The following ZBTB8OS variants were observed in gnomAD, a reference collection of about 807,000 sequenced individuals.
The protein encoded by ZBTB8OS is tRNA-splicing ligase-activating factor archease.
A neutral mutation model predicts 29.3 loss-of-function variants in ZBTB8OS; 16 were observed. The observed-to-expected ratio is 0.55, with a 90% CI of 0.37 to 0.83. ZBTB8OS has a LOEUF of 0.83. Among genes scored for constraint, ZBTB8OS ranks in the 40% least tolerant of loss-of-function variants. The pLI, the probability that ZBTB8OS is intolerant of heterozygous loss-of-function variation, is 0.00. For synonymous variants in ZBTB8OS, 70 were observed against 64.6 expected, an observed-to-expected ratio of 1.08 and a Z score of -0.40; for missense variants, 160 against 196.9, an observed-to-expected ratio of 0.81 and a Z score of 1.12.
chr1:32,632,985 A>G (rs1194960883), intron 4 of ZBTB8OS, among the ~76,000 whole-genome samples: 1 of 152,210 alleles, frequency 6.6e-6, no homozygotes, highest in African/African-American at 2.4e-5. Context: ...AAAGCAGAGA[A>G]TGGAGGAATT....
intron 5 of ZBTB8OS, among the ~76,000 whole-genome samples, chr1:32,628,764 C>T (rs1002074394): frequency 1.3e-5 from 2 of 151,744 alleles, no homozygotes; most frequent in African/African-American, 4.8e-5. Context: ...GGTGAGAACT[C>T]GTCTCTACTA....
At position 32,625,892 on chromosome 1, in the gene ZBTB8OS, T is replaced by C. The variant is rs562036299; in HGVS notation, c.417+1616A>G. Reference sequence around the variant, plus strand: ...GCTGTTTCTTTTTTTTTTTTTTAGATGGAGTTTTGCTCTTGTCGCCCAGGC... The same window carrying C: ...GCTGTTTCTTTTTTTTTTTTTTAGACGGAGTTTTGCTCTTGTCGCCCAGGC... On this transcript the variant is annotated intron_variant, in intron 6 of 6. Coordinates refer to ENST00000468695, the MANE Select transcript of ZBTB8OS (RefSeq NM_178547.5). Among the ~76,000 whole-genome samples, 168 of 151,606 alleles carry C rather than the reference T, an allele frequency of 1.1e-3. 1 individual carries two copies. Among genetic ancestry groups the C allele is most frequent in the African/African-American group, 3.9e-3 (161 of 41,358 alleles).
intron 1 of ZBTB8OS, among the ~76,000 whole-genome samples, chr1:32,636,790 A>G (rs1646002509): frequency 6.6e-6 from 1 of 151,876 alleles, no homozygotes; most frequent in South Asian, 2.1e-4. Flanking sequence ...GAGAAAGAGC[A>G]TCATGGCCAG....
chr1:32,629,793 G>T (rs994209006), intron 5 of ZBTB8OS, among the ~76,000 whole-genome samples: 4 of 125,200 alleles, frequency 3.2e-5, no homozygotes, highest in Admixed American at 1.0e-4. Flanking sequence ...TCGCGCTGTT[G>T]CCAGGCTGGA....
At chr1:32,642,849 A>C (rs536609880) in intron 1 of ZBTB8OS, among the ~76,000 whole-genome samples, 41 of 83,240 alleles carry the variant, frequency 4.9e-4, no homozygotes, top group African/African-American at 1.6e-3. Context: ...AGCTCACTGC[A>C]ACCTCCGCCT....
intron 1 of ZBTB8OS, among the ~76,000 whole-genome samples, chr1:32,646,199 A>G (rs1192141057): frequency 6.6e-6 from 1 of 151,936 alleles, no homozygotes; most frequent in Non-Finnish European, 1.5e-5. Flanking sequence ...CACGCCTGTA[A>G]TCCCAGCTAC....
chr1:32,634,701 C>T (rs1645820566), intron 2 of ZBTB8OS, 67 bp downstream of exon 2: 4 of 1,604,438 alleles, frequency 2.5e-6, no homozygotes, highest in Admixed American at 3.4e-5. Context: ...GATAGGGATA[C>T]CAAGATTGAA....
intron 4 of ZBTB8OS, chr1:32,632,225 T>A (rs978952083): frequency 7.6e-5 from 12 of 157,088 alleles, no homozygotes; most frequent in African/African-American, 2.2e-4. Context: ...GTCAGACTGG[T>A]CTCGAACTCC....
rs556977233 is a variant in ZBTB8OS at position 32,633,906 on chromosome 1, T to C, written c.244+45A>G. ...TTATGTAGAATACTGCACAATTCTATACAGTACTGTATAACAATTTCTTCC... is the reference window on the plus strand; with the variant it reads ...TTATGTAGAATACTGCACAATTCTACACAGTACTGTATAACAATTTCTTCC... On this transcript the variant is annotated intron_variant, in intron 3 of 6. Transcript: ENST00000468695. 50 of 1,537,462 alleles carry C rather than the reference T, an allele frequency of 3.3e-5. No homozygotes were observed. In the South Asian group the frequency reaches 5.7e-4, roughly 17 times the overall value.
intron 1 of ZBTB8OS, among the ~76,000 whole-genome samples, chr1:32,645,128 G>C (rs551007953): frequency 8.0e-5 from 12 of 150,934 alleles, no homozygotes; most frequent in African/African-American, 2.2e-4. Flanking sequence ...GCAGTGAGCC[G>C]AGATGGCGCC....
At chr1:32,646,156 C>T (rs1419545346) in intron 1 of ZBTB8OS, among the ~76,000 whole-genome samples, 1 of 151,830 alleles carries the variant, frequency 6.6e-6, no homozygotes, top group Non-Finnish European at 1.5e-5. Context: ...TCCATCACTA[C>T]TAAAAATGAA....
At chr1:32,645,087 G>C (rs945921665) in intron 1 of ZBTB8OS, among the ~76,000 whole-genome samples, 5 of 152,072 alleles carry the variant, frequency 3.3e-5, no homozygotes, top group African/African-American at 7.2e-5. Flanking sequence ...GCTGAGGCAG[G>C]AGAATTGTTT....
chr1:32,634,991 T>TG (rs1645846466), intron 1 of ZBTB8OS, among the ~76,000 whole-genome samples, 199 bp from the exon 2 acceptor site: 1 of 151,600 alleles, frequency 6.6e-6, no homozygotes, highest in Admixed American at 6.6e-5. Context: ...TTTTTTTTTT[T>TG]GCGGGGACAG....
Position 32,650,414 on chromosome 1 carries a change from A to G in ZBTB8OS, c.97+19T>C. The G allele has an allele frequency of 6.2e-7, 1 of 1,613,948 alleles. No homozygotes were observed. The highest frequency in any genetic ancestry group is 8.5e-7 in the Non-Finnish European group (1 of 1,179,910). On this transcript the variant is annotated intron_variant, in intron 1 of 6. Transcript: ENST00000468695. ...CCTGTGTGCTTACATGTAAAGAGAG[A>G]AGTAAGCCACCTACTCACACTCGTA...
intron 1 of ZBTB8OS, among the ~76,000 whole-genome samples, chr1:32,637,174 C>A (rs183788752): frequency 6.6e-6 from 1 of 152,100 alleles, no homozygotes; most frequent in Non-Finnish European, 1.5e-5. Flanking sequence ...GAGCTCAGCT[C>A]TTTTCCCACA....
At chr1:32,634,126 T>C in intron 2 of ZBTB8OS, 54 bp from the exon 3 acceptor site, 1 of 1,357,718 alleles carries the variant, frequency 7.4e-7, no homozygotes. Flanking sequence ...AGAAAGAAAA[T>C]TTGATAGCAG....
intron 1 of ZBTB8OS, among the ~76,000 whole-genome samples, chr1:32,637,757 AC>A (rs1646092988): frequency 6.6e-6 from 1 of 152,298 alleles, no homozygotes; most frequent in African/African-American, 2.4e-5. Flanking sequence ...AGTGTTGGTT[AC>A]AGAGATGTAT....
At chr1:32,641,171 G>A (rs973565194) in intron 1 of ZBTB8OS, among the ~76,000 whole-genome samples, 1 of 150,768 alleles carries the variant, frequency 6.6e-6, no homozygotes, top group African/African-American at 2.4e-5. Context: ...GCCAAATACT[G>A]AAGTCTGAAT....
At position 32,621,907 on chromosome 1, in the gene ZBTB8OS, G is replaced by A; in HGVS notation, c.459C>T (p.Val153=). The part of the protein sequence containing the change: ...VKAITYSAMQ[V]YNEENPEVFV... ...AAACTTCCGGGTTCTCTTCATTATA[G>A]ACCTGCATTGCTGAATATGTTATTG... Residue 153 remains valine, a synonymous_variant, in exon 7 of 7, where the codon GTC becomes GTT. Coordinates refer to ENST00000468695, the MANE Select transcript of ZBTB8OS (RefSeq NM_178547.5). 6.3e-7 allele frequency: 1 copy of A among 1,589,724 alleles called. No individual in the cohort carries two copies. The highest frequency in any genetic ancestry group is 1.4e-5 in the African/African-American group (1 of 72,562).
Sources: gnomAD v4.1 joint callset for allele counts (sites outside exome capture counted in the v4.1 genomes callset) on GRCh38, gnomAD v4.1.1 for gene constraint, MANE v1.5 for transcripts, NCBI Gene and HGNC (gene_info 2026-07-23, HGNC 2026-07-21) for gene names.